The following HOXC11 variants were observed in gnomAD, a reference collection of about 807,000 sequenced individuals.
HOXC11 encodes the protein homeobox protein Hox-C11.
A neutral mutation model predicts 23.6 loss-of-function variants in HOXC11; 17 were observed. That is an observed-to-expected ratio of 0.72 (90% CI 0.49 to 1.08). The LOEUF (loss-of-function observed/expected upper bound fraction) is 1.08. Among genes scored for constraint, HOXC11 ranks in the 50% least tolerant of loss-of-function variants. The pLI, the probability that HOXC11 is intolerant of heterozygous loss-of-function variation, is 0.00. For synonymous variants in HOXC11, 196 were observed against 183.8 expected (o/e 1.07, Z -0.54); for missense variants, 413 against 412.1 (o/e 1.00, Z -0.02).
rs1207755259 is a variant in HOXC11 at position 53,977,462 on chromosome 12, C to T, written c.*2049C>T. On this transcript the variant is annotated 3_prime_UTR_variant, in exon 2 of 2. Transcript: ENST00000546378. ...GGTATCTAAATTTCTAATTTGTAAA[C>T]GTGGGTCGGGTCGTGAGACAAGATT... is the stretch of plus-strand genomic sequence containing the variant. 2 of 152,150 alleles carry T rather than the reference C, an allele frequency of 1.3e-5. No individual in the cohort carries two copies. Among genetic ancestry groups the T allele is most frequent in the Admixed American group, 6.5e-5 (1 of 15,274 alleles). The allele number at this position is 152,150 out of a possible 1,614,324, so 9.4% of individuals were successfully genotyped here.
chr12:53,973,991 G>A lies in HOXC11; in HGVS notation c.682+68G>A, dbSNP rs1007789162. The stretch of plus-strand genomic sequence containing the variant: ...GAGCGAGAGAGGGAGGGCGAGAGAA[G>A]GGGGGAGGCAAGGGGAGCGGGGACG... On this transcript the variant is annotated intron_variant, in intron 1 of 1. Coordinates refer to ENST00000546378, the MANE Select transcript of HOXC11 (RefSeq NM_014212.4). This position sits in a 1 kb window ranked among gnomAD's most constrained non-coding sequence, Gnocchi z 4.3. 1 of 1,342,388 alleles carries A rather than the reference G, an allele frequency of 7.4e-7. No individual in the cohort carries two copies. Among genetic ancestry groups the A allele is most frequent in the Non-Finnish European group, 9.8e-7 (1 of 1,018,350 alleles). 83.2% of individuals were successfully genotyped at this position (1,342,388 alleles called of 1,614,324 possible). A position where few individuals can be genotyped will look rare whatever the true frequency, so the allele number is the denominator to read the frequency against.
chr12:53,973,387 C>G lies in HOXC11; in HGVS notation c.146C>G (p.Ser49Cys). 1 of 1,614,208 alleles carries G rather than the reference C, an allele frequency of 6.2e-7. No individual in the cohort carries two copies. Among genetic ancestry groups the G allele is most frequent in the Non-Finnish European group, 8.5e-7 (1 of 1,180,046 alleles). The part of the protein sequence containing the change: ...YYMPEFSTVS[S>C]FLPQAPSRQI... ...ATGCCCGAGTTCTCCACGGTCTCCT[C>G]CTTCCTGCCCCAGGCCCCCTCTCGT... is the stretch of plus-strand genomic sequence containing the variant. The change falls in exon 1 of 2, where the codon TCC becomes TGC. Residue 49 changes from serine to cysteine, a missense_variant. By Grantham distance (112) the Ser-to-Cys change is moderately radical. Transcript: ENST00000546378. This position sits in a 1 kb window ranked among gnomAD's most constrained non-coding sequence, Gnocchi z 4.3.
Position 53,976,966 on chromosome 12 carries a change from CTGGGGG to C in HOXC11, c.*1558_*1563del, listed in dbSNP as rs1939272967. The C allele has an allele frequency of 6.6e-6, 1 of 152,034 alleles. No individual in the cohort carries two copies. Among genetic ancestry groups the C allele is most frequent in the Non-Finnish European group, 1.5e-5 (1 of 68,020 alleles). The allele number at this position is 152,034 out of a possible 1,614,324, so 9.4% of individuals were successfully genotyped here. ...CCCCTCCCTCTCCTCTCCACAGCTC[CTGGGGG>C]TGGGAAGGTGGGGCCTGGCTGCTTT... On this transcript the variant is annotated 3_prime_UTR_variant, in exon 2 of 2. Coordinates refer to ENST00000546378, the MANE Select transcript of HOXC11 (RefSeq NM_014212.4).
In HOXC11 at chr12:53,975,350, G is replaced by C; in HGVS notation, c.852G>C (p.Arg284Ser). The C allele has an allele frequency of 6.2e-7, 1 of 1,613,926 alleles. No individual in the cohort carries two copies. Among genetic ancestry groups the C allele is most frequent in the Non-Finnish European group, 8.5e-7 (1 of 1,179,966 alleles). Residue 284 changes from arginine (R) to serine (S), a missense_variant, in exon 2 of 2, where the codon AGG (arginine) becomes AGC (serine). Arg to Ser is a moderately radical substitution (Grantham distance 110). Transcript: ENST00000546378. ...TGAAAATTTGGTTTCAGAACAGAAGGATGAAAGAAAAGAAACTGAGCAGAG... is the reference window on the plus strand; with the variant it reads ...TGAAAATTTGGTTTCAGAACAGAAGCATGAAAGAAAAGAAACTGAGCAGAG... ...RQVKIWFQNR[R>S]MKEKKLSRDR... is the part of the protein sequence containing the mutation.
Position 53,973,830 on chromosome 12 carries a change from G to A in HOXC11, c.589G>A (p.Ala197Thr), listed in dbSNP as rs575264457. 539 of 1,518,702 alleles carry A rather than the reference G, an allele frequency of 3.5e-4. 6 individuals carry two copies. In the South Asian group the frequency reaches 6.7e-3, roughly 19 times the overall value. 94.1% of individuals were successfully genotyped at this position (1,518,702 alleles called of 1,614,324 possible). The change falls in exon 1 of 2, where the codon GCC becomes ACC. Residue 197 changes from alanine to threonine, a missense_variant. By Grantham distance (58) the Ala-to-Thr change is moderately conservative. Transcript: ENST00000546378. This position sits in a 1 kb window ranked among gnomAD's most constrained non-coding sequence, Gnocchi z 4.3. ...ACTGGCGTCCCGGGCTGAGGCGGGT[G>A]CCGAGGCGGAGGCTGAGGAGGAGAA... is the stretch of plus-strand genomic sequence containing the variant. ...SGLASRAEAGAEAEAEEENTN... is the reference protein window; with the variant it reads ...SGLASRAEAGTEAEAEEENTN...
Position 53,973,331 on chromosome 12 carries a change from C to A in HOXC11, c.90C>A (p.Ser30=), listed in dbSNP as rs1258597523. Residue 30 remains serine, a synonymous_variant, in exon 1 of 2, where the codon TCC becomes TCA. Coordinates refer to ENST00000546378, the MANE Select transcript of HOXC11 (RefSeq NM_014212.4). The surrounding 1 kb of genome is among the most constrained non-coding windows in gnomAD (Gnocchi z 4.3). The part of the protein sequence containing the change: ...ADFGERGSCA[S]NLYLPSCTYY... ...TCGGCGAGCGAGGGAGCTGCGCCTC[C>A]AACCTCTATCTGCCCAGTTGCACTT... The A allele has an allele frequency of 6.2e-7, 1 of 1,614,134 alleles. No homozygotes were observed. The highest frequency in any genetic ancestry group is 1.1e-5 in the South Asian group (1 of 91,070).
intron 1 of HOXC11, 117 bp from the exon 2 acceptor site, chr12:53,975,064 G>C (rs917229681): frequency 1.0e-5 from 6 of 601,348 alleles, no homozygotes; most frequent in Non-Finnish European, 1.5e-5. Flanking sequence ...CTGGCGGGAG[G>C]GCTGCCCGCG....
In HOXC11 at chr12:53,976,312, C is replaced by T. The variant is rs1939258818; in HGVS notation, c.*899C>T. 4.5e-6 allele frequency: 1 copy of T among 223,794 alleles called. No individual in the cohort carries two copies. Among genetic ancestry groups the T allele is most frequent in the East Asian group, 6.5e-5 (1 of 15,480 alleles). The allele number at this position is 223,794 out of a possible 1,614,324, so 13.9% of individuals were successfully genotyped here. On this transcript the variant is annotated 3_prime_UTR_variant, in exon 2 of 2. Transcript: ENST00000546378. ...ATTCAAATCACGCATCTCTACTCCT[C>T]TGCGTGAGTGCGTGTGTACATGTGC...
rs1248418392 is a variant in HOXC11 at position 53,976,615 on chromosome 12, TCTC to T, written c.*1206_*1208del. 1 of 161,598 alleles carries T rather than the reference TCTC, an allele frequency of 6.2e-6. No homozygotes were observed. Among genetic ancestry groups the T allele is most frequent in the African/African-American group, 2.4e-5 (1 of 41,668 alleles). 10.0% of individuals were successfully genotyped at this position (161,598 alleles called of 1,614,324 possible). Reference sequence around the variant, plus strand: ...GGCAGGGCCAAGAGTATGGCCGTAGTCTCCTCACATTCTCAAGCTGAGGACATT... The same window carrying T: ...GGCAGGGCCAAGAGTATGGCCGTAGTCTCACATTCTCAAGCTGAGGACATT... On this transcript the variant is annotated 3_prime_UTR_variant, in exon 2 of 2. Coordinates refer to ENST00000546378, the MANE Select transcript of HOXC11 (RefSeq NM_014212.4).
chr12:53,976,127 C>CTTTTTTT lies in HOXC11; in HGVS notation c.*724_*730dup, dbSNP rs768935038. The CTTTTTTT allele has an allele frequency of 5.6e-4, 102 of 181,106 alleles. 1 individual carries two copies. Among genetic ancestry groups the CTTTTTTT allele is most frequent in the African/African-American group, 1.1e-3 (38 of 35,942 alleles). The allele number at this position is 181,106 out of a possible 1,614,324, so 11.2% of individuals were successfully genotyped here. ...GCTATAGTCTATGCAGTCGTTACCT[C>CTTTTTTT]TTTTTTTTTTTTTTTTAAGAAAATT... On this transcript the variant is annotated 3_prime_UTR_variant, in exon 2 of 2. Transcript: ENST00000546378.
At position 53,976,102 on chromosome 12, in the gene HOXC11, G is replaced by T; in HGVS notation, c.*689G>T. 4.6e-6 allele frequency: 1 copy of T among 216,694 alleles called. No homozygotes were observed. Among genetic ancestry groups the T allele is most frequent in the Non-Finnish European group, 9.1e-6 (1 of 110,336 alleles). 13.4% of individuals were successfully genotyped at this position (216,694 alleles called of 1,614,324 possible). Reference sequence around the variant, plus strand: ...CAGTGCCCCACTTCATGGATTTATAGCTATAGTCTATGCAGTCGTTACCTC... The same window carrying T: ...CAGTGCCCCACTTCATGGATTTATATCTATAGTCTATGCAGTCGTTACCTC... On this transcript the variant is annotated 3_prime_UTR_variant, in exon 2 of 2. Coordinates refer to ENST00000546378, the MANE Select transcript of HOXC11 (RefSeq NM_014212.4).
rs1039796611 is a variant in HOXC11 at position 53,975,454 on chromosome 12, A to ATTATT, written c.*54_*58dup. 1 of 1,141,298 alleles carries ATTATT rather than the reference A, an allele frequency of 8.8e-7. No individual in the cohort carries two copies. 70.7% of individuals were successfully genotyped at this position (1,141,298 alleles called of 1,614,324 possible). ...CTTTTGGGGGCGGGGGGAGGGGAAA[A>ATTATT]TTATTTTATTTTATTTTTATTTTTT... On this transcript the variant is annotated 3_prime_UTR_variant, in exon 2 of 2. Coordinates refer to ENST00000546378, the MANE Select transcript of HOXC11 (RefSeq NM_014212.4).
Position 53,973,990 on chromosome 12 carries a change from AG to A in HOXC11, c.682+73del, listed in dbSNP as rs1379222549. 1.5e-6 allele frequency: 2 copies of A among 1,339,048 alleles called. No individual in the cohort carries two copies. Among genetic ancestry groups the A allele is most frequent in the Admixed American group, 3.1e-5 (1 of 32,660 alleles). The allele number at this position is 1,339,048 out of a possible 1,614,324, so 82.9% of individuals were successfully genotyped here. On this transcript the variant is annotated intron_variant, in intron 1 of 1. Transcript: ENST00000546378. This position sits in a 1 kb window ranked among gnomAD's most constrained non-coding sequence, Gnocchi z 4.3. ...GGAGCGAGAGAGGGAGGGCGAGAGAAGGGGGGAGGCAAGGGGAGCGGGGACG... is the reference window on the plus strand; with the variant it reads ...GGAGCGAGAGAGGGAGGGCGAGAGAAGGGGGAGGCAAGGGGAGCGGGGACG...
In HOXC11 at chr12:53,973,874, C is replaced by G; in HGVS notation, c.633C>G (p.Ser211=). The change falls in exon 1 of 2, where the codon TCC becomes TCG. Residue 211 remains serine (S), a synonymous_variant. Coordinates refer to ENST00000546378, the MANE Select transcript of HOXC11 (RefSeq NM_014212.4). The surrounding 1 kb of genome is among the most constrained non-coding windows in gnomAD (Gnocchi z 4.3). ...AGGAGAACACAAATCCCAGCTCGTC[C>G]GGTTCAGCCCACTCCGTGGCCAAGG... ...AEEENTNPSS[S]GSAHSVAKEP... is the part of the protein sequence containing the mutation. 1 of 1,460,128 alleles carries G rather than the reference C, an allele frequency of 6.8e-7. No homozygotes were observed. The highest frequency in any genetic ancestry group is 9.0e-7 in the Non-Finnish European group (1 of 1,106,818). The allele number at this position is 1,460,128 out of a possible 1,614,324, so 90.4% of individuals were successfully genotyped here.
rs945586470 is a variant in HOXC11 at position 53,973,751 on chromosome 12, C to T, written c.510C>T (p.Pro170=). 1 of 1,612,712 alleles carries T rather than the reference C, an allele frequency of 6.2e-7. No individual in the cohort carries two copies. Among genetic ancestry groups the T allele is most frequent in the South Asian group, 1.1e-5 (1 of 91,040 alleles). The part of the protein sequence containing the change: ...CGGGDPPAEP[P]CSGKGEAKGE... ...GCGGCGACCCGCCCGCCGAGCCCCCCTGCTCCGGCAAGGGCGAGGCCAAGG... is the reference window on the plus strand; with the variant it reads ...GCGGCGACCCGCCCGCCGAGCCCCCTTGCTCCGGCAAGGGCGAGGCCAAGG... The change falls in exon 1 of 2, where the codon CCC becomes CCT. Residue 170 remains proline, a synonymous_variant. Coordinates refer to ENST00000546378, the MANE Select transcript of HOXC11 (RefSeq NM_014212.4). The surrounding 1 kb of genome is among the most constrained non-coding windows in gnomAD (Gnocchi z 4.3).
In HOXC11 at chr12:53,976,560, G is replaced by C. The variant is rs1592197644; in HGVS notation, c.*1147G>C. 1.2e-5 allele frequency: 2 copies of C among 169,372 alleles called. No homozygotes were observed. Among genetic ancestry groups the C allele is most frequent in the South Asian group, 4.0e-4 (2 of 4,976 alleles). 10.5% of individuals were successfully genotyped at this position (169,372 alleles called of 1,614,324 possible). On this transcript the variant is annotated 3_prime_UTR_variant, in exon 2 of 2. Transcript: ENST00000546378. The stretch of plus-strand genomic sequence containing the variant: ...AGGCAGGCAGAGGTGAGATAGGCCG[G>C]TGCTAGCCGGCCTGGAGCTCCTCTC...
Position 53,973,746 on chromosome 12 carries a change from C to A in HOXC11, c.505C>A (p.Pro169Thr), listed in dbSNP as rs1289263689. Reference protein sequence around the residue: ...YCGGGDPPAEPPCSGKGEAKG... With the variant: ...YCGGGDPPAETPCSGKGEAKG... ...CGGTGGCGGCGACCCGCCCGCCGAG[C>A]CCCCCTGCTCCGGCAAGGGCGAGGC... The change falls in exon 1 of 2, where the codon CCC becomes ACC. Residue 169 changes from proline to threonine, a missense_variant. Coordinates refer to ENST00000546378, the MANE Select transcript of HOXC11 (RefSeq NM_014212.4). This position sits in a 1 kb window ranked among gnomAD's most constrained non-coding sequence, Gnocchi z 4.3. 4 of 1,612,660 alleles carry A rather than the reference C, an allele frequency of 2.5e-6. No homozygotes were observed. Among genetic ancestry groups the A allele is most frequent in the Non-Finnish European group, 3.4e-6 (4 of 1,179,712 alleles).
chr12:53,974,648 C>G (rs1939219930), intron 1 of HOXC11, among the ~76,000 whole-genome samples: 1 of 151,746 alleles, frequency 6.6e-6, no homozygotes, highest in Admixed American at 6.6e-5. Flanking sequence ...GTGGAAGGCG[C>G]TGCCCCGCGG....
At position 53,975,869 on chromosome 12, in the gene HOXC11, AC is replaced by A. The variant is rs1206089856; in HGVS notation, c.*460del. 1.3e-4 allele frequency: 15 copies of A among 118,048 alleles called. No individual in the cohort carries two copies. Among genetic ancestry groups the A allele is most frequent in the Admixed American group, 3.6e-4 (2 of 5,592 alleles). 7.3% of individuals were successfully genotyped at this position (118,048 alleles called of 1,614,324 possible). On this transcript the variant is annotated 3_prime_UTR_variant, in exon 2 of 2. Transcript: ENST00000546378. ...GGAAACTTCTCGAGCTCCCCCCTCT[AC>A]CCCGCCCCACCTTGCAGCTAAATGT...
Sources: allele counts gnomAD v4.1 joint callset (sites outside exome capture counted in the v4.1 genomes callset), GRCh38; gene constraint gnomAD v4.1.1; non-coding constraint Gnocchi (gnomAD v3.1); transcripts MANE v1.5; gene names NCBI Gene and HGNC (gene_info 2026-07-23, HGNC 2026-07-21).